MSH3: variants seen among roughly 807,000 people sequenced by gnomAD.
MSH3 encodes the protein DNA mismatch repair protein Msh3.
In MSH3, 106 loss-of-function variants were observed where a neutral mutation model predicts 123.3. The ratio of observed to expected loss-of-function variants is 0.86; its 90% CI spans 0.73 to 1.01. The LOEUF (loss-of-function observed/expected upper bound fraction) is 1.01, where lower values mean the gene tolerates loss of function less well. Among genes scored for constraint, MSH3 ranks in the 50% least tolerant of loss-of-function variants. The pLI is 0.00. For missense variants in MSH3, 1,459 were observed against 1,347.6 expected (o/e 1.08, Z -1.29); for synonymous variants, 515 against 481.4 (o/e 1.07, Z -0.91).
At chr5:80,710,352 C>G (rs1357077712) in intron 8 of MSH3, among the ~76,000 whole-genome samples, 1 of 152,150 alleles carries the variant, frequency 6.6e-6, no homozygotes, top group Non-Finnish European at 1.5e-5. Flanking sequence ...AGCAGCTATT[C>G]CCTTCCTTCA....
At chr5:80,861,371 G>T (rs1359202383) in intron 21 of MSH3, among the ~76,000 whole-genome samples, 2 of 152,120 alleles carry the variant, frequency 1.3e-5, no homozygotes, top group Non-Finnish European at 2.9e-5. Flanking sequence ...GGGATAGGAA[G>T]GCTAGAGTGG....
intron 20 of MSH3, among the ~76,000 whole-genome samples, chr5:80,834,956 T>C (rs1745483670): frequency 6.6e-6 from 1 of 152,216 alleles, no homozygotes; most frequent in African/African-American, 2.4e-5. Flanking sequence ...CTTGAGGAAG[T>C]GGCTTGACCT....
Position 80,754,107 on chromosome 5 carries a change from T to C in MSH3, c.1764-7439T>C, listed in dbSNP as rs1743883283. On this transcript the variant is annotated intron_variant, in intron 12 of 23. Coordinates refer to ENST00000265081, the MANE Select transcript of MSH3 (RefSeq NM_002439.5). ...AGCATTTAAAAAATTATTTGAACTT[T>C]TGAACAGGCAATATCTTCACATACT... Among the ~76,000 whole-genome samples the C allele has an allele frequency of 2.0e-5, 3 of 152,182 alleles. No homozygotes were observed. In the South Asian group the frequency reaches 6.2e-4, roughly 32 times the overall value.
chr5:80,667,558 T>G (rs1233168690), intron 3 of MSH3, among the ~76,000 whole-genome samples: 5 of 152,048 alleles, frequency 3.3e-5, no homozygotes. Flanking sequence ...CTGCCAAGGG[T>G]GAGCCAGGAG....
chr5:80,858,901 C>A (rs1745963424), intron 21 of MSH3, among the ~76,000 whole-genome samples: 1 of 152,090 alleles, frequency 6.6e-6, no homozygotes, highest in Admixed American at 6.6e-5. Context: ...TAAATGCATA[C>A]ATGTTAAGGA....
chr5:80,777,285 T>C (rs75592046), intron 16 of MSH3, among the ~76,000 whole-genome samples: 23 of 141,946 alleles, frequency 1.6e-4, no homozygotes, highest in African/African-American at 5.7e-4. Context: ...TAATACCATC[T>C]TTTTTTTTTT....
In MSH3 at chr5:80,871,800, A is replaced by G. The variant is rs550809578; in HGVS notation, c.3131-1316A>G. 8.5e-5 allele frequency among the ~76,000 whole-genome samples: 13 copies of G among 152,234 alleles called. No individual in the cohort carries two copies. The East Asian group carries it at 2.5e-3, about 29-fold the overall frequency. ...GTTTGTTAGAAGTGAGTCACTGGTTAGGAATGATACAGAGAGGGAATGACA... is the reference window on the plus strand; with the variant it reads ...GTTTGTTAGAAGTGAGTCACTGGTTGGGAATGATACAGAGAGGGAATGACA... On this transcript the variant is annotated intron_variant, in intron 22 of 23. Transcript: ENST00000265081.
intron 21 of MSH3, among the ~76,000 whole-genome samples, chr5:80,859,068 A>G (rs1440986463): frequency 6.6e-6 from 1 of 152,084 alleles, no homozygotes; most frequent in Non-Finnish European, 1.5e-5. Flanking sequence ...TCCTTTAGAA[A>G]TTAATATAGC....
At chr5:80,806,295 T>A (rs1744890041) in intron 19 of MSH3, among the ~76,000 whole-genome samples, 1 of 152,048 alleles carries the variant, frequency 6.6e-6, no homozygotes, top group Non-Finnish European at 1.5e-5. Flanking sequence ...ACGGGGTTTC[T>A]CCATGTTGAT....
chr5:80,805,882 C>T (rs1189296518), intron 19 of MSH3, among the ~76,000 whole-genome samples: 4 of 151,198 alleles, frequency 2.6e-5, no homozygotes, highest in Admixed American at 6.6e-5. Flanking sequence ...ACACCGCACC[C>T]GGCCCCAATA....
chr5:80,792,681 T>C (rs1744628436), intron 18 of MSH3, 52 bp from the exon 19 acceptor site: 4 of 1,128,182 alleles, frequency 3.5e-6, no homozygotes, highest in Non-Finnish European at 5.3e-6. Context: ...AGAGTTTTTT[T>C]TTTAAGGCTA....
chr5:80,654,913 GC>G lies in MSH3; in HGVS notation c.191del (p.Pro64GlnfsTer16). 1 of 1,499,580 alleles carries G rather than the reference GC, an allele frequency of 6.7e-7. No individual in the cohort carries two copies. The highest frequency in any genetic ancestry group is 2.3e-5 in the Admixed American group (1 of 42,668). The allele number at this position is 1,499,580 out of a possible 1,614,324, so 92.9% of individuals were successfully genotyped here. A position where few individuals can be genotyped will look rare whatever the true frequency, so the allele number is the denominator to read the frequency against. ...CTGCAGCGGCCGCAGCGGCCGCAGC[GC>G]CCCCAGCGCCCCCAGCTCCCGCCTT... ...AAAAAAAAAA[P>X]PAPPAPAFPP... On this transcript the variant is annotated frameshift_variant, in exon 1 of 24. Coordinates refer to ENST00000265081, the MANE Select transcript of MSH3 (RefSeq NM_002439.5). LOFTEE classifies it high-confidence loss of function.
At chr5:80,820,943 C>G (rs1231634268) in intron 20 of MSH3, among the ~76,000 whole-genome samples, 1 of 152,138 alleles carries the variant, frequency 6.6e-6, no homozygotes, top group African/African-American at 2.4e-5. Context: ...GGACTCTGGT[C>G]CCTAAAGTGG....
At chr5:80,669,319 A>G (rs1242395128) in intron 3 of MSH3, among the ~76,000 whole-genome samples, 1 of 151,926 alleles carries the variant, frequency 6.6e-6, no homozygotes, top group Non-Finnish European at 1.5e-5. Context: ...TTTTCATTGT[A>G]GGGGGAGCTG....
chr5:80,832,145 C>A (rs748732123), intron 20 of MSH3, among the ~76,000 whole-genome samples: 4 of 151,550 alleles, frequency 2.6e-5, no homozygotes, highest in Non-Finnish European at 5.9e-5. Flanking sequence ...AAAAAACTCT[C>A]CCATACAAAG....
chr5:80,694,710 C>G (rs1309175742), intron 8 of MSH3, among the ~76,000 whole-genome samples: 2 of 151,644 alleles, frequency 1.3e-5, no homozygotes, highest in African/African-American at 4.8e-5. Context: ...CTTGATTTGC[C>G]TTTCATTTTT....
intron 20 of MSH3, among the ~76,000 whole-genome samples, chr5:80,832,957 A>G (rs1490033048): frequency 2.0e-5 from 3 of 152,186 alleles, no homozygotes; most frequent in Non-Finnish European, 4.4e-5. Context: ...AGCCCACTCC[A>G]TTTGCCTGAG....
chr5:80,784,617 A>G (rs1162731565), intron 17 of MSH3, among the ~76,000 whole-genome samples: 1 of 152,128 alleles, frequency 6.6e-6, no homozygotes, highest in Non-Finnish European at 1.5e-5. Flanking sequence ...GACTATAGTA[A>G]TCCTATTGTG....
chr5:80,684,746 G>C (rs1750047227), intron 8 of MSH3, among the ~76,000 whole-genome samples: 1 of 151,962 alleles, frequency 6.6e-6, no homozygotes, highest in South Asian at 2.1e-4. Flanking sequence ...ATCGTACTTA[G>C]AGGAAAGGCT....
Sources: allele counts gnomAD v4.1 joint callset (sites outside exome capture counted in the v4.1 genomes callset), GRCh38; gene constraint gnomAD v4.1.1; transcripts MANE v1.5; gene names NCBI Gene and HGNC (gene_info 2026-07-23, HGNC 2026-07-21).